Variants in BICD1 observed in about 807,000 individuals in gnomAD.
BICD1 encodes the protein protein bicaudal D homolog 1.
BICD1 carries 35 observed loss-of-function variants against 92.5 expected under a neutral mutation model. That is an observed-to-expected ratio of 0.38 (90% CI 0.29 to 0.50). The LOEUF is 0.50. Among genes scored for constraint, BICD1 ranks in the 20% least tolerant of loss-of-function variants. The pLI is 0.93. For missense variants in BICD1, 950 were observed against 1,189.8 expected (o/e 0.80, Z 2.97); for synonymous variants, 429 against 465.1 (o/e 0.92, Z 1.00).
At chr12:32,204,476 AT>A (rs1277265529) in intron 1 of BICD1, among the ~76,000 whole-genome samples, 2 of 152,148 alleles carry the variant, frequency 1.3e-5, no homozygotes, top group African/African-American at 4.8e-5. Flanking sequence ...GGCGGCCAAA[AT>A]TTTTAAGTCT....
chr12:32,372,424 G>A (rs1174512149), intron 9 of BICD1, among the ~76,000 whole-genome samples: 2 of 152,142 alleles, frequency 1.3e-5, no homozygotes. Context: ...AGGTTGCAGT[G>A]AACCAAGATC....
At chr12:32,310,085 T>C (rs1948334796) in intron 4 of BICD1, among the ~76,000 whole-genome samples, 1 of 152,204 alleles carries the variant, frequency 6.6e-6, no homozygotes. Context: ...TGTAACTCCC[T>C]GAACCAGGTG....
intron 1 of BICD1, among the ~76,000 whole-genome samples, chr12:32,171,976 C>G (rs1216263664): frequency 2.4e-5 from 3 of 122,762 alleles, no homozygotes; most frequent in Non-Finnish European, 3.6e-5. Flanking sequence ...CACACACACA[C>G]ACACACACAC....
chr12:32,153,585 C>G (rs1367210602), intron 1 of BICD1, among the ~76,000 whole-genome samples: 2 of 152,008 alleles, frequency 1.3e-5, no homozygotes, highest in Non-Finnish European at 2.9e-5. Flanking sequence ...GGCGAAAGTT[C>G]ATCTCTACAA....
chr12:32,190,223 A>G (rs1944528451), intron 1 of BICD1, among the ~76,000 whole-genome samples: 1 of 152,238 alleles, frequency 6.6e-6, no homozygotes, highest in Non-Finnish European at 1.5e-5. Flanking sequence ...ACAAAACAAA[A>G]TAGTTAAGCC....
intron 4 of BICD1, among the ~76,000 whole-genome samples, chr12:32,308,832 T>A (rs1239218804): frequency 1.3e-5 from 2 of 152,136 alleles, no homozygotes. Context: ...ATGTTGACAG[T>A]TTGCAAAGAT....
At position 32,265,654 on chromosome 12, in the gene BICD1, G is replaced by A. The variant is rs913612554; in HGVS notation, c.427-28340G>A. Among the ~76,000 whole-genome samples the A allele has an allele frequency of 2.2e-4, 33 of 150,872 alleles. 2 individuals carry two copies. Among genetic ancestry groups the A allele is most frequent in the Admixed American group, 1.7e-3 (26 of 15,136 alleles). Reference sequence around the variant, plus strand: ...ATCAATCCCTTGAGCCCAAGAGTTCGCGGTTACAGTGAGCTATAATTGTGC... The same window carrying A: ...ATCAATCCCTTGAGCCCAAGAGTTCACGGTTACAGTGAGCTATAATTGTGC... On this transcript the variant is annotated intron_variant, in intron 2 of 9. Transcript: ENST00000652176.
intron 1 of BICD1, 65 bp downstream of exon 1, chr12:32,107,609 C>G: frequency 6.7e-7 from 1 of 1,484,170 alleles, no homozygotes; most frequent in Non-Finnish European, 9.1e-7. Flanking sequence ...GCCCACTCAT[C>G]ATGATCAAGA....
At chr12:32,223,424 G>A (rs1467267886) in intron 2 of BICD1, among the ~76,000 whole-genome samples, 4 of 151,768 alleles carry the variant, frequency 2.6e-5, no homozygotes, top group Admixed American at 6.6e-5. Flanking sequence ...AGGCTGAGGC[G>A]GAGAATCGCT....
At chr12:32,347,028 C>T (rs1426717732) in intron 8 of BICD1, among the ~76,000 whole-genome samples, 2 of 150,492 alleles carry the variant, frequency 1.3e-5, no homozygotes, top group African/African-American at 2.4e-5. Flanking sequence ...ATTGCCTCAC[C>T]GCAACCTCCG....
At chr12:32,308,202 C>T (rs1316812413) in intron 4 of BICD1, among the ~76,000 whole-genome samples, 4 of 152,246 alleles carry the variant, frequency 2.6e-5, no homozygotes, top group Non-Finnish European at 2.9e-5. Flanking sequence ...CTGTCGTTTT[C>T]GTTTGGTTTA....
intron 8 of BICD1, among the ~76,000 whole-genome samples, chr12:32,358,602 T>C (rs1321522452): frequency 6.6e-6 from 1 of 151,874 alleles, no homozygotes; most frequent in African/African-American, 2.4e-5. Context: ...CTGGGCGTGG[T>C]GGTGCATGCC....
intron 1 of BICD1, among the ~76,000 whole-genome samples, chr12:32,164,154 GA>G (rs1943684082): frequency 6.6e-6 from 1 of 152,096 alleles, no homozygotes; most frequent in African/African-American, 2.4e-5. Flanking sequence ...GTTGGAGGAG[GA>G]ACTACCAGTC....
At position 32,377,863 on chromosome 12, in the gene BICD1, A is replaced by G; in HGVS notation, c.*236A>G. ...TAAACTTCTGCCATCAAATGGCTAC[A>G]GTTCATTTAAATTTAAAAAAAAGAA... is the stretch of plus-strand genomic sequence containing the variant. On this transcript the variant is annotated 3_prime_UTR_variant, in exon 10 of 10. Coordinates refer to ENST00000652176, the MANE Select transcript of BICD1 (RefSeq NM_001714.4). 1 of 427,334 alleles carries G rather than the reference A, an allele frequency of 2.3e-6. No individual in the cohort carries two copies. The highest frequency in any genetic ancestry group is 4.2e-6 in the Non-Finnish European group (1 of 237,926). The allele number at this position is 427,334 out of a possible 1,614,324, so 26.5% of individuals were successfully genotyped here. A position where few individuals can be genotyped will look rare whatever the true frequency, so the allele number is the denominator to read the frequency against.
intron 2 of BICD1, among the ~76,000 whole-genome samples, chr12:32,267,829 G>T (rs1947039435): frequency 1.3e-5 from 2 of 152,026 alleles, no homozygotes; most frequent in Admixed American, 6.6e-5. Context: ...TTAGAGACAG[G>T]GTCTAACTCT....
intron 1 of BICD1, among the ~76,000 whole-genome samples, chr12:32,194,222 A>G (rs1944658584): frequency 6.6e-6 from 1 of 152,230 alleles, no homozygotes; most frequent in Non-Finnish European, 1.5e-5. Context: ...AAGGCCATAT[A>G]TGACAAGCTC....
chr12:32,343,006 A>G (rs1306343686), intron 8 of BICD1, among the ~76,000 whole-genome samples: 3 of 152,148 alleles, frequency 2.0e-5, no homozygotes, highest in African/African-American at 7.2e-5. Context: ...AGCTTCTGCA[A>G]CCTCAGCCCT....
intron 1 of BICD1, among the ~76,000 whole-genome samples, chr12:32,175,075 C>T (rs974832569): frequency 5.3e-5 from 8 of 151,886 alleles, no homozygotes; most frequent in African/African-American, 1.5e-4. Context: ...TCTTTATTTT[C>T]TAGCATTTAT....
chr12:32,295,999 T>C (rs2136197836), intron 3 of BICD1, among the ~76,000 whole-genome samples: 1 of 152,044 alleles, frequency 6.6e-6, no homozygotes, highest in South Asian at 2.1e-4. Context: ...TTTGGAGTGC[T>C]GGGGGGAAGG....
Sources: allele counts gnomAD v4.1 joint callset (sites outside exome capture counted in the v4.1 genomes callset), GRCh38; gene constraint gnomAD v4.1.1; transcripts MANE v1.5; gene names NCBI Gene and HGNC (gene_info 2026-07-23, HGNC 2026-07-21).